Variants in RAPGEF2 observed in about 807,000 individuals in gnomAD.
The protein encoded by RAPGEF2 is Rap guanine nucleotide exchange factor 2.
RAPGEF2 carries 54 observed loss-of-function variants against 186.7 expected under a neutral mutation model. The observed-to-expected ratio is 0.29, with a 90% confidence interval of 0.23 to 0.36. RAPGEF2 has a LOEUF of 0.36. RAPGEF2 is among the 10% of genes least tolerant of loss of function. The probability of loss-of-function intolerance (pLI) is 1.00; values close to 1 mark genes in which losing one functional copy is unlikely to be tolerated. For synonymous variants in RAPGEF2, 712 were observed against 705.9 expected (o/e 1.01, Z -0.14); for missense variants, 1,532 against 2,045.0 (o/e 0.75, Z 4.84).
chr4:159,355,654 AAAGAT>A (rs1182308199), intron 28 of RAPGEF2, among the ~76,000 whole-genome samples, 194 bp from the exon 29 acceptor site: 1 of 152,200 alleles, frequency 6.6e-6, no homozygotes, highest in Non-Finnish European at 1.5e-5. Flanking sequence ...TTCACCACAC[AAAGAT>A]AACATCATTG....
intron 1 of RAPGEF2, among the ~76,000 whole-genome samples, chr4:159,178,147 A>G (rs567394639): frequency 6.6e-6 from 1 of 152,352 alleles, no homozygotes; most frequent in South Asian, 2.1e-4. Flanking sequence ...AGGTTCATAT[A>G]TGAAACAAAA....
At chr4:159,168,572 A>T (rs2111240713) in intron 1 of RAPGEF2, among the ~76,000 whole-genome samples, 1 of 152,160 alleles carries the variant, frequency 6.6e-6, no homozygotes, top group East Asian at 1.9e-4. Context: ...ATGCAGATTT[A>T]TTAGTACATT....
chr4:159,116,248 C>T (rs777998743), intron 1 of RAPGEF2, among the ~76,000 whole-genome samples: 2 of 152,098 alleles, frequency 1.3e-5, no homozygotes, highest in African/African-American at 2.4e-5. Flanking sequence ...AAGAAAAAAA[C>T]AATCCCTTCA....
At chr4:159,138,806 A>T (rs1415268927) in intron 1 of RAPGEF2, among the ~76,000 whole-genome samples, 1 of 152,202 alleles carries the variant, frequency 6.6e-6, no homozygotes, top group African/African-American at 2.4e-5. Flanking sequence ...CTCTTCTCTG[A>T]CACCATTTGA....
chr4:159,336,615 G>A (rs1463081471), intron 17 of RAPGEF2, among the ~76,000 whole-genome samples: 1 of 152,058 alleles, frequency 6.6e-6, no homozygotes, highest in Non-Finnish European at 1.5e-5. Context: ...GTTGTGAATT[G>A]TGCTGCTCTA....
rs547320237 is a variant in RAPGEF2 at position 159,103,612 on chromosome 4, G to A, written c.-551G>A. On this transcript the variant is annotated 5_prime_UTR_variant, in exon 1 of 30. Coordinates refer to ENST00000691494, the MANE Select transcript of RAPGEF2 (RefSeq NM_001394067.2). ...CCGACCGGCGGCCGAGGCGCCCGAG[G>A]ACTGGGGACGCGGAAGATCCAAGTG... 6 of 153,000 alleles carry A rather than the reference G, an allele frequency of 3.9e-5. No homozygotes were observed. Among genetic ancestry groups the A allele is most frequent in the African/African-American group, 1.2e-4 (5 of 41,578 alleles). 9.5% of individuals were successfully genotyped at this position (153,000 alleles called of 1,614,324 possible).
chr4:159,244,762 A>G (rs1034659640), intron 7 of RAPGEF2, among the ~76,000 whole-genome samples: 1 of 151,974 alleles, frequency 6.6e-6, no homozygotes, highest in Non-Finnish European at 1.5e-5. Flanking sequence ...TTTTCGAATT[A>G]AAATGAGACA....
chr4:159,225,515 A>G lies in RAPGEF2; in HGVS notation c.282-13294A>G, dbSNP rs965927488. On this transcript the variant is annotated intron_variant, in intron 4 of 29. Coordinates refer to ENST00000691494, the MANE Select transcript of RAPGEF2 (RefSeq NM_001394067.2). Reference sequence around the variant, plus strand: ...GGAAAGGTACCTAGGGGTGAAATTGATGGATAGCATGGTAAATGTATGTTT... The same window carrying G: ...GGAAAGGTACCTAGGGGTGAAATTGGTGGATAGCATGGTAAATGTATGTTT... Among the ~76,000 whole-genome samples, 176 of 152,268 alleles carry G rather than the reference A, an allele frequency of 1.2e-3. 2 individuals are homozygous for G. Among genetic ancestry groups the G allele is most frequent in the African/African-American group, 3.7e-3 (153 of 41,554 alleles).
At chr4:159,208,150 A>G (rs994714538) in intron 3 of RAPGEF2, among the ~76,000 whole-genome samples, 5 of 152,216 alleles carry the variant, frequency 3.3e-5, no homozygotes, top group Non-Finnish European at 7.3e-5. Context: ...GGGGGGAAAG[A>G]TGTTCCACTG....
At position 159,193,137 on chromosome 4, in the gene RAPGEF2, T is replaced by C. The variant is rs1403185865; in HGVS notation, c.141-63T>C. ...CTAGACTGTATGTGTCATTTAAGGGTTTAAAATACCAGTCTGTTTTTTAGT... is the reference window on the plus strand; with the variant it reads ...CTAGACTGTATGTGTCATTTAAGGGCTTAAAATACCAGTCTGTTTTTTAGT... On this transcript the variant is annotated intron_variant, in intron 2 of 29. Coordinates refer to ENST00000691494, the MANE Select transcript of RAPGEF2 (RefSeq NM_001394067.2). The C allele has an allele frequency of 4.0e-6, 4 of 989,766 alleles. No homozygotes were observed. In the Admixed American group the frequency reaches 9.8e-5, roughly 24 times the overall value. The allele number at this position is 989,766 out of a possible 1,614,324, so 61.3% of individuals were successfully genotyped here.
intron 7 of RAPGEF2, among the ~76,000 whole-genome samples, chr4:159,245,160 G>T (rs780004851): frequency 6.6e-6 from 1 of 151,928 alleles, no homozygotes; most frequent in Non-Finnish European, 1.5e-5. Flanking sequence ...AAAATTAGAT[G>T]CATTGCAGTA....
chr4:159,293,651 T>C (rs1761531341), intron 7 of RAPGEF2, among the ~76,000 whole-genome samples: 1 of 152,234 alleles, frequency 6.6e-6, no homozygotes, highest in South Asian at 2.1e-4. Flanking sequence ...ATGCTAGCTA[T>C]TGTACCAAAC....
At chr4:159,238,712 A>C in intron 4 of RAPGEF2, 97 bp from the exon 5 acceptor site, 1 of 751,578 alleles carries the variant, frequency 1.3e-6, no homozygotes, top group Non-Finnish European at 1.9e-6. Context: ...AATTGTTTTT[A>C]ATTTTTATTT....
At chr4:159,281,395 A>G (rs1325128377) in intron 7 of RAPGEF2, among the ~76,000 whole-genome samples, 1 of 148,030 alleles carries the variant, frequency 6.8e-6, no homozygotes, top group African/African-American at 2.6e-5. Context: ...TTGGCTGGGC[A>G]TGGTGGCTCA....
Position 159,353,490 on chromosome 4 carries a change from C to T in RAPGEF2, c.4095C>T (p.Ser1365=), listed in dbSNP as rs560815908. 2 of 1,472,592 alleles carry T rather than the reference C, an allele frequency of 1.4e-6. No individual in the cohort carries two copies. The highest frequency in any genetic ancestry group is 2.4e-5 in the East Asian group (1 of 42,226). The allele number at this position is 1,472,592 out of a possible 1,614,324, so 91.2% of individuals were successfully genotyped here. The change falls in exon 28 of 30, where the codon TCC becomes TCT. Residue 1365 remains serine, a synonymous_variant. Transcript: ENST00000691494. The surrounding 1 kb of genome is among the most constrained non-coding windows in gnomAD (Gnocchi z 4.3). ...MIEPDQYSLG[S]YAPMSEGRGL... ...TCCATTTCTTTTAACCACTTAGGTC[C>T]TATGCACCAATGTCCGAGGGCCGAG...
chr4:159,337,351 T>C (rs1767570085), intron 17 of RAPGEF2, among the ~76,000 whole-genome samples: 1 of 152,192 alleles, frequency 6.6e-6, no homozygotes. Context: ...GAGAATAAAA[T>C]TAGGACACTT....
In RAPGEF2 at chr4:159,332,687, A is replaced by G; in HGVS notation, c.2125A>G (p.Lys709Glu). 6.2e-7 allele frequency: 1 copy of G among 1,614,122 alleles called. No homozygotes were observed. The highest frequency in any genetic ancestry group is 2.2e-5 in the East Asian group (1 of 44,870). The change falls in exon 17 of 30, where the codon AAA becomes GAA. Residue 709 changes from lysine (K) to glutamate (E), a missense_variant. Transcript: ENST00000691494. ...DKTRISILPQ[K>E]PYNDIGIGQS... ...GACTCGGATCAGTATCTTGCCACAG[A>G]AACCATACAAGTAAGCATCTGCATA...
chr4:159,210,670 G>T, intron 4 of RAPGEF2, 87 bp downstream of exon 4: 2 of 1,004,468 alleles, frequency 2.0e-6, no homozygotes, highest in East Asian at 5.3e-5. Flanking sequence ...TTCTCTTCCT[G>T]TGTTCTCTTC....
In RAPGEF2 at chr4:159,331,814, G is replaced by C. The variant is rs771932028; in HGVS notation, c.1760G>C (p.Gly587Ala). The change falls in exon 15 of 30, where the codon GGC becomes GCC. Residue 587 changes from glycine to alanine, a missense_variant. By Grantham distance (60) the Gly-to-Ala change is moderately conservative (BLOSUM62 0). Transcript: ENST00000691494. ...VDSGSKATEA[G>A]LKRGDQILEV... ...TCAGGTAGCAAAGCAACTGAAGCAG[G>C]CTTGAAACGGGGGGATCAGGTATGC... 1 of 1,613,224 alleles carries C rather than the reference G, an allele frequency of 6.2e-7. No homozygotes were observed. The highest frequency in any genetic ancestry group is 8.5e-7 in the Non-Finnish European group (1 of 1,179,744).
Sources: allele counts gnomAD v4.1 joint callset (sites outside exome capture counted in the v4.1 genomes callset), GRCh38; gene constraint gnomAD v4.1.1; non-coding constraint Gnocchi (gnomAD v3.1); transcripts MANE v1.5; gene names NCBI Gene and HGNC (gene_info 2026-07-23, HGNC 2026-07-21).